The following SEC63 variants were observed in gnomAD, a reference collection of about 807,000 sequenced individuals.
SEC63 encodes the protein SEC63 protein translocation regulator.
Under a neutral mutation model 116.2 loss-of-function variants are expected in SEC63, and 56 were observed. That is an observed-to-expected ratio of 0.48 (90% CI 0.39 to 0.60). The LOEUF (loss-of-function observed/expected upper bound fraction) is 0.60, where lower values mean the gene tolerates loss of function less well. Among genes scored for constraint, SEC63 ranks in the 20% least tolerant of loss-of-function variants. The probability of loss-of-function intolerance (pLI) is 0.00; values close to 1 mark genes in which losing one functional copy is unlikely to be tolerated. For missense variants in SEC63, 668 were observed against 900.0 expected (o/e 0.74, Z 3.30); for synonymous variants, 273 against 294.6 (o/e 0.93, Z 0.75).
At chr6:107,942,953 T>C (rs11153091) in intron 1 of SEC63, among the ~76,000 whole-genome samples, 20,229 of 152,246 alleles carry the variant, frequency 0.13, 1,692 homozygotes, top group East Asian at 0.3. Flanking sequence ...CATGACTTTT[T>C]TCTTCTTCGG....
chr6:107,897,146 G>C (rs1447786081), intron 14 of SEC63, among the ~76,000 whole-genome samples: 14 of 152,096 alleles, frequency 9.2e-5, no homozygotes, highest in Admixed American at 9.2e-4. Context: ...GCCTCAAAAC[G>C]AATCATCTCG....
chr6:107,920,474 A>G (rs898597562), intron 4 of SEC63, among the ~76,000 whole-genome samples: 4 of 151,014 alleles, frequency 2.6e-5, no homozygotes, highest in Middle Eastern at 3.2e-3. Flanking sequence ...TGCACGCTTA[A>G]TAGACTATGG....
At chr6:107,929,992 T>C (rs527715141) in intron 1 of SEC63, 1 of 164,422 alleles carries the variant, frequency 6.1e-6, no homozygotes, top group East Asian at 1.8e-4. Context: ...ATTTAAGATA[T>C]AAAACTAGTA....
At chr6:107,926,807 T>C (rs1390062595) in intron 2 of SEC63, among the ~76,000 whole-genome samples, 20 of 152,110 alleles carry the variant, frequency 1.3e-4, no homozygotes, top group Admixed American at 1.3e-3. Flanking sequence ...CCGTATGTTT[T>C]ACATGGAGCA....
chr6:107,873,765 A>T (rs1315012451), intron 19 of SEC63, among the ~76,000 whole-genome samples: 1 of 152,168 alleles, frequency 6.6e-6, no homozygotes, highest in African/African-American at 2.4e-5. Context: ...TGCAACACAT[A>T]TCACAAAGGG....
At chr6:107,889,184 G>T in intron 16 of SEC63, among the ~76,000 whole-genome samples, 1 of 152,090 alleles carries the variant, frequency 6.6e-6, no homozygotes, top group South Asian at 2.1e-4. Flanking sequence ...CCTCTTTGTA[G>T]CTCTGGTAGA....
chr6:107,905,961 C>T (rs1434308118), intron 10 of SEC63, among the ~76,000 whole-genome samples: 1 of 152,178 alleles, frequency 6.6e-6, no homozygotes, highest in African/African-American at 2.4e-5. Context: ...AGAACAGCAA[C>T]AAAACACACC....
chr6:107,957,736 C>T, intron 1 of SEC63, 150 bp downstream of exon 1: 1 of 748,352 alleles, frequency 1.3e-6, no homozygotes. Context: ...ACCCGGGCCC[C>T]GCCAGTGGCG....
intron 1 of SEC63, among the ~76,000 whole-genome samples, chr6:107,937,292 A>G (rs542319591): frequency 2.4e-4 from 37 of 151,638 alleles, no homozygotes; most frequent in African/African-American, 8.7e-4. Flanking sequence ...CCGGCTAGCT[A>G]ATTTTGAATT....
chr6:107,931,292 A>C (rs1368873118), intron 1 of SEC63, among the ~76,000 whole-genome samples: 1 of 151,058 alleles, frequency 6.6e-6, no homozygotes, highest in Non-Finnish European at 1.5e-5. Context: ...CAGTGAGCCA[A>C]GATCACGCCA....
Position 107,869,663 on chromosome 6 carries a change from T to A in SEC63, c.*2041A>T, listed in dbSNP as rs1027905260. The A allele has an allele frequency of 2.0e-5, 3 of 152,166 alleles. No homozygotes were observed. The highest frequency in any genetic ancestry group is 7.2e-5 in the African/African-American group (3 of 41,444). The allele number at this position is 152,166 out of a possible 1,614,324, so 9.4% of individuals were successfully genotyped here. On this transcript the variant is annotated 3_prime_UTR_variant, in exon 21 of 21. Coordinates refer to ENST00000369002, the MANE Select transcript of SEC63 (RefSeq NM_007214.5). ...TCACTACTGCCATATGGAAAGAGGT[T>A]ACCTAAAGCACTCACTAGAGGAAAT...
intron 4 of SEC63, 144 bp downstream of exon 4, chr6:107,921,653 T>C: frequency 1.5e-6 from 1 of 688,286 alleles, no homozygotes; most frequent in South Asian, 1.5e-5. Flanking sequence ...GGTCTTGGTA[T>C]GTTGCCAGGG....
chr6:107,905,198 C>A (rs1787123704), intron 10 of SEC63, among the ~76,000 whole-genome samples: 1 of 152,194 alleles, frequency 6.6e-6, no homozygotes, highest in African/African-American at 2.4e-5. Context: ...GGATTTGGTA[C>A]TCAACAATGA....
intron 14 of SEC63, among the ~76,000 whole-genome samples, chr6:107,897,251 GA>G (rs1252237729): frequency 5.3e-5 from 8 of 151,606 alleles, no homozygotes; most frequent in Non-Finnish European, 8.8e-5. Flanking sequence ...ACATTATCAG[GA>G]AAAAAAATGT....
intron 1 of SEC63, among the ~76,000 whole-genome samples, chr6:107,953,528 T>G (rs1583783546): frequency 8.0e-6 from 1 of 124,440 alleles, no homozygotes. Context: ...AGGTGGGGGG[T>G]CAGCCCCCCG....
chr6:107,896,810 C>T (rs1419213504), intron 14 of SEC63, among the ~76,000 whole-genome samples: 1 of 152,066 alleles, frequency 6.6e-6, no homozygotes, highest in Non-Finnish European at 1.5e-5. Context: ...GAAACCCCAT[C>T]TCTACTAAAA....
At chr6:107,955,335 TG>T (rs1770689919) in intron 1 of SEC63, among the ~76,000 whole-genome samples, 1 of 152,160 alleles carries the variant, frequency 6.6e-6, no homozygotes, top group African/African-American at 2.4e-5. Context: ...GCTAACTTTT[TG>T]TATTTTTGTA....
intron 1 of SEC63, among the ~76,000 whole-genome samples, chr6:107,950,601 A>AT (rs1182936729): frequency 6.6e-6 from 1 of 152,228 alleles, no homozygotes; most frequent in East Asian, 1.9e-4. Context: ...ACCAATAAAG[A>AT]TGAGTATACT....
At chr6:107,888,675 T>C (rs1786598312) in intron 16 of SEC63, among the ~76,000 whole-genome samples, 1 of 152,200 alleles carries the variant, frequency 6.6e-6, no homozygotes, top group African/African-American at 2.4e-5. Flanking sequence ...TGTGCTGGTT[T>C]TCAAAGAGAA....
Sources: allele counts gnomAD v4.1 joint callset (sites outside exome capture counted in the v4.1 genomes callset), GRCh38; gene constraint gnomAD v4.1.1; transcripts MANE v1.5; gene names NCBI Gene and HGNC (gene_info 2026-07-23, HGNC 2026-07-21).